STAMBP: variants seen among roughly 807,000 people sequenced by gnomAD.
STAMBP encodes the protein STAM-binding protein.
Under a neutral mutation model 50.7 loss-of-function variants are expected in STAMBP, and 31 were observed. That is an observed-to-expected ratio of 0.61 (90% CI 0.46 to 0.83). The LOEUF is 0.83. Ranked by LOEUF, STAMBP falls within the 40% of genes least tolerant of loss-of-function variation. The probability of loss-of-function intolerance (pLI) is 0.00; values close to 1 mark genes in which losing one functional copy is unlikely to be tolerated. For missense variants in STAMBP, 472 were observed against 518.9 expected (o/e 0.91, Z 0.88); for synonymous variants, 211 against 192.4 (o/e 1.10, Z -0.80).
At position 73,864,729 on chromosome 2, in the gene STAMBP, C is replaced by T. The variant is rs1026392084; in HGVS notation, c.*2470C>T. On this transcript the variant is annotated 3_prime_UTR_variant, in exon 10 of 10. Transcript: ENST00000394070. ...CCACTCTTGCAAGCTGCACAAGTACCATACTTAGTGTTCTGGGCTGAGAGG... is the reference window on the plus strand; with the variant it reads ...CCACTCTTGCAAGCTGCACAAGTACTATACTTAGTGTTCTGGGCTGAGAGG... 6.6e-6 allele frequency: 1 copy of T among 152,236 alleles called. No individual in the cohort carries two copies. The highest frequency in any genetic ancestry group is 2.4e-5 in the African/African-American group (1 of 41,444). 9.4% of individuals were successfully genotyped at this position (152,236 alleles called of 1,614,324 possible).
chr2:73,850,531 G>T lies in STAMBP; in HGVS notation c.1005+18G>T. 6.2e-7 allele frequency: 1 copy of T among 1,604,890 alleles called. No homozygotes were observed. Among genetic ancestry groups the T allele is most frequent in the South Asian group, 1.1e-5 (1 of 89,448 alleles). On this transcript the variant is annotated intron_variant, in intron 7 of 9. Transcript: ENST00000394070. The surrounding 1 kb of genome is among the most constrained non-coding windows in gnomAD (Gnocchi z 4.3). ...GGATTCATGTAAGCAATTCTGAGCT[G>T]TCCGAGAGTTAGTCTCTGCCTCTCC...
chr2:73,830,222 GATGA>G (rs1400190330), intron 1 of STAMBP, among the ~76,000 whole-genome samples: 12 of 152,354 alleles, frequency 7.9e-5, no homozygotes, highest in Middle Eastern at 3.4e-3. Context: ...CCATGATAAT[GATGA>G]ATGAATGATT....
intron 3 of STAMBP, 34 bp from the exon 4 acceptor site, chr2:73,845,133 T>C (rs1233771945): frequency 6.2e-7 from 1 of 1,602,634 alleles, no homozygotes; most frequent in Non-Finnish European, 8.5e-7. Context: ...TTTTCTGGCA[T>C]TGTTCTAATT....
chr2:73,870,640 A>G (rs189239265), downstream of STAMBP, among the ~76,000 whole-genome samples: 1 of 152,310 alleles, frequency 6.6e-6, no homozygotes, highest in African/African-American at 2.4e-5. Flanking sequence ...AACATTACCT[A>G]GACTAAAGGA....
rs1461300247 is a variant in STAMBP at position 73,873,617 on chromosome 2, C to G, written c.*311C>G. 4 of 152,284 alleles carry G rather than the reference C, an allele frequency of 2.6e-5. No homozygotes were observed. In the East Asian group the frequency reaches 7.7e-4, roughly 29 times the overall value. The allele number at this position is 152,284 out of a possible 1,614,324, so 9.4% of individuals were successfully genotyped here. ...TCTGCTGTACAAACACAAACCATTC[C>G]CTGTCCAAGAAAATTAAACTATATC... On this transcript the variant is annotated 3_prime_UTR_variant, in exon 11 of 11. Coordinates refer to the STAMBP transcript ENST00000409707.
downstream of STAMBP, chr2:73,870,106 A>G (rs1460927905): frequency 1.3e-5 from 2 of 152,188 alleles, no homozygotes; most frequent in Middle Eastern, 3.2e-3. Context: ...TATTGCTTTT[A>G]TAATTGGACA....
At chr2:73,858,788 A>G (rs1307202253) in intron 7 of STAMBP, among the ~76,000 whole-genome samples, 1 of 152,238 alleles carries the variant, frequency 6.6e-6, no homozygotes, top group East Asian at 1.9e-4. Flanking sequence ...TCATGGTTGC[A>G]GATGGCTTCT....
At chr2:73,855,789 A>G (rs1305730260) in intron 7 of STAMBP, 2 of 423,588 alleles carry the variant, frequency 4.7e-6, no homozygotes, top group Non-Finnish European at 9.5e-6. Flanking sequence ...GCACATAAGA[A>G]TCACTTAGTG....
At chr2:73,835,778 G>A (rs1048762881) in intron 2 of STAMBP, among the ~76,000 whole-genome samples, 1 of 152,116 alleles carries the variant, frequency 6.6e-6, no homozygotes, top group Non-Finnish European at 1.5e-5. Context: ...GCTGGGTAGC[G>A]GGGGAATTTA....
intron 5 of STAMBP, among the ~76,000 whole-genome samples, chr2:73,848,278 T>C (rs145016215): frequency 4.0e-4 from 61 of 152,302 alleles, no homozygotes; most frequent in African/African-American, 1.4e-3. Context: ...ATTCTTGGCA[T>C]TTTTTATGAG....
chr2:73,867,061 A>G lies in STAMBP; in HGVS notation c.*4802A>G, dbSNP rs575447230. 2 of 152,320 alleles carry G rather than the reference A, an allele frequency of 1.3e-5. No individual in the cohort carries two copies. The highest frequency in any genetic ancestry group is 2.4e-5 in the African/African-American group (1 of 41,564). 9.4% of individuals were successfully genotyped at this position (152,320 alleles called of 1,614,324 possible). A position where few individuals can be genotyped will look rare whatever the true frequency, so the allele number is the denominator to read the frequency against. On this transcript the variant is annotated 3_prime_UTR_variant, in exon 10 of 10. Transcript: ENST00000394070. ...TATTGCTAGCTTATGTGTCTAAAGT[A>G]TACTCCTTGAGAACAGCAACTTTGT...
chr2:73,848,335 T>A (rs1188175959), intron 5 of STAMBP, among the ~76,000 whole-genome samples: 2 of 152,196 alleles, frequency 1.3e-5, no homozygotes, highest in African/African-American at 4.8e-5. Flanking sequence ...TATTTTTTAT[T>A]TTGTTGTGGT....
intron 2 of STAMBP, among the ~76,000 whole-genome samples, chr2:73,835,275 A>T (rs1674571301): frequency 6.7e-6 from 1 of 149,052 alleles, no homozygotes; most frequent in South Asian, 2.1e-4. Flanking sequence ...ACTTGCATGA[A>T]CCCGGGAGGC....
intron 5 of STAMBP, among the ~76,000 whole-genome samples, chr2:73,849,048 TC>T (rs1276443290): frequency 6.6e-6 from 1 of 152,204 alleles, no homozygotes; most frequent in Non-Finnish European, 1.5e-5. Context: ...TTACAAACAA[TC>T]CAATTACATT....
At chr2:73,832,450 G>A (rs1215491220) in intron 2 of STAMBP, among the ~76,000 whole-genome samples, 3 of 146,646 alleles carry the variant, frequency 2.0e-5, no homozygotes, top group East Asian at 2.0e-4. Flanking sequence ...GTGGCAAAGC[G>A]AGACTGTTTC....
At chr2:73,859,420 G>A in intron 8 of STAMBP, 54 bp downstream of exon 8, 2 of 1,384,580 alleles carry the variant, frequency 1.4e-6, no homozygotes, top group Admixed American at 1.7e-5. Context: ...AGGGAAGAAA[G>A]CCTCAGGGGA....
In STAMBP at chr2:73,850,453, C is replaced by T. The variant is rs560829426; in HGVS notation, c.945C>T (p.Asn315=). ...SAGSDYCNTE[N]EEELFLIQDQ... ...GGTCTGATTACTGCAACACAGAGAA[C>T]GAAGAAGAACTTTTCCTCATACAGG... is the stretch of plus-strand genomic sequence containing the variant. Residue 315 remains asparagine, a synonymous_variant, in exon 7 of 10, where the codon AAC becomes AAT. Coordinates refer to ENST00000394070, the MANE Select transcript of STAMBP (RefSeq NM_213622.4). This position sits in a 1 kb window ranked among gnomAD's most constrained non-coding sequence, Gnocchi z 4.3. 50 of 1,613,796 alleles carry T rather than the reference C, an allele frequency of 3.1e-5. No homozygotes were observed. The African/African-American group carries it at 5.1e-4, about 16-fold the overall frequency.
At chr2:73,845,586 C>G (rs552777659) in intron 4 of STAMBP, among the ~76,000 whole-genome samples, 3 of 151,356 alleles carry the variant, frequency 2.0e-5, no homozygotes, top group Non-Finnish European at 2.9e-5. Context: ...GTTGGATTCA[C>G]ATTTGGTTAT....
chr2:73,859,586 A>G (rs1274679385), intron 8 of STAMBP, among the ~76,000 whole-genome samples: 2 of 152,192 alleles, frequency 1.3e-5, no homozygotes, highest in Non-Finnish European at 2.9e-5. Flanking sequence ...TTGCTTTTCT[A>G]AGAAAAGTCT....
Sources: gnomAD v4.1 joint callset for allele counts (sites outside exome capture counted in the v4.1 genomes callset) on GRCh38, gnomAD v4.1.1 for gene constraint, Gnocchi (gnomAD v3.1) non-coding constraint, MANE v1.5 for transcripts, NCBI Gene and HGNC (gene_info 2026-07-23, HGNC 2026-07-21) for gene names.